The following MMRN1 variants were observed in gnomAD, a reference collection of about 807,000 sequenced individuals.
MMRN1 encodes multimerin 1.
A neutral mutation model predicts 100.7 loss-of-function variants in MMRN1; 94 were observed. The observed-to-expected ratio is 0.93, with a 90% confidence interval of 0.79 to 1.11. The LOEUF (loss-of-function observed/expected upper bound fraction) is 1.11, where lower values mean the gene tolerates loss of function less well. MMRN1 is among the 50% of genes least tolerant of loss of function. The pLI is 0.00. For missense variants in MMRN1, 1,606 were observed against 1,439.1 expected, an observed-to-expected ratio of 1.12 and a Z score of -1.88; for synonymous variants, 575 against 505.0, an observed-to-expected ratio of 1.14 and a Z score of -1.86.
intron 1 of MMRN1, among the ~76,000 whole-genome samples, chr4:89,882,527 T>G (rs1042808646): frequency 1.3e-5 from 2 of 151,814 alleles, no homozygotes; most frequent in Admixed American, 1.3e-4. Context: ...TCTTTTGCAT[T>G]TTTTTCCTCC....
chr4:89,886,202 T>C (rs1302400146), intron 1 of MMRN1, among the ~76,000 whole-genome samples: 1 of 151,992 alleles, frequency 6.6e-6, no homozygotes, highest in African/African-American at 2.4e-5. Flanking sequence ...CTTTCTTCTA[T>C]TGTAAGATAG....
intron 1 of MMRN1, among the ~76,000 whole-genome samples, chr4:89,880,172 C>T (rs115445391): frequency 3.9e-4 from 59 of 152,188 alleles, no homozygotes; most frequent in Non-Finnish European, 6.6e-4. Context: ...TAAATTAAAA[C>T]ATGAAATCAG....
upstream of MMRN1, among the ~76,000 whole-genome samples, chr4:89,893,546 A>G (rs912892409): frequency 6.6e-6 from 1 of 152,164 alleles, no homozygotes; most frequent in Non-Finnish European, 1.5e-5. Flanking sequence ...TAATCTAATA[A>G]CAAAAAATAA....
rs1470596274 is a variant in MMRN1, at chr4:89,905,173, T to G, written c.624-4103T>G. ...CTTATCACTGAATTGGGTGGGGATTTTATCACTATGGACTTCAGGAGTTTA... is the reference window on the plus strand; with the variant it reads ...CTTATCACTGAATTGGGTGGGGATTGTATCACTATGGACTTCAGGAGTTTA... On this transcript the variant is annotated intron_variant, in intron 1 of 7. Transcript: ENST00000264790. 4.0e-5 allele frequency among the ~76,000 whole-genome samples: 6 copies of G among 151,582 alleles called. No homozygotes were observed. The Admixed American group carries it at 4.0e-4, about 10-fold the overall frequency.
chr4:89,917,227 T>C (rs929441520), intron 3 of MMRN1, among the ~76,000 whole-genome samples: 1 of 151,860 alleles, frequency 6.6e-6, no homozygotes, highest in African/African-American at 2.4e-5. Flanking sequence ...TAATACTTTG[T>C]AAGAAGTAAA....
intron 3 of MMRN1, among the ~76,000 whole-genome samples, chr4:89,918,236 A>G (rs1721983760): frequency 6.6e-6 from 1 of 151,488 alleles, no homozygotes; most frequent in South Asian, 2.1e-4. Context: ...TTATATCTAT[A>G]CTATCTTTGA....
In MMRN1 at chr4:89,936,403, C is replaced by A; in HGVS notation, c.2723C>A (p.Ala908Glu). ...AATTCCAGATTTAAGGCGTTGGAAG[C>A]AAAATCTATCCATCTTTCAATTAAC... ...VLNSRFKALEAKSIHLSINFF... is the reference protein window; with the variant it reads ...VLNSRFKALEEKSIHLSINFF... The change falls in exon 6 of 8, where the codon GCA (alanine) becomes GAA (glutamate). Residue 908 changes from alanine to glutamate, a missense_variant. Coordinates refer to ENST00000264790, the MANE Select transcript of MMRN1 (RefSeq NM_007351.3). 5 of 1,609,204 alleles carry A rather than the reference C, an allele frequency of 3.1e-6. No individual in the cohort carries two copies. The highest frequency in any genetic ancestry group is 4.2e-6 in the Non-Finnish European group (5 of 1,178,648).
chr4:89,940,203 C>T (rs1417801682), intron 6 of MMRN1, among the ~76,000 whole-genome samples: 1 of 152,128 alleles, frequency 6.6e-6, no homozygotes, highest in South Asian at 2.1e-4. Context: ...TGGCTGCTTG[C>T]CCTTCCAAAA....
Position 89,935,454 on chromosome 4 carries a change from T to A in MMRN1, c.1774T>A (p.Cys592Ser). 6.2e-7 allele frequency: 1 copy of A among 1,613,564 alleles called. No homozygotes were observed. Among genetic ancestry groups the A allele is most frequent in the Non-Finnish European group, 8.5e-7 (1 of 1,179,768 alleles). The part of the protein sequence containing the change: ...EMEKESLRGE[C>S]EDMLSKCRND... Reference sequence around the variant, plus strand: ...GGAGAAAGAGTCTCTCAGAGGTGAATGTGAAGACATGTTATCCAAATGCAG... The same window carrying A: ...GGAGAAAGAGTCTCTCAGAGGTGAAAGTGAAGACATGTTATCCAAATGCAG... The change falls in exon 6 of 8, where the codon TGT (cysteine) becomes AGT (serine). Residue 592 changes from cysteine (C) to serine (S), a missense_variant. By Grantham distance (112) the Cys-to-Ser change is moderately radical (BLOSUM62 -1). Coordinates refer to ENST00000264790, the MANE Select transcript of MMRN1 (RefSeq NM_007351.3).
intron 1 of MMRN1, among the ~76,000 whole-genome samples, chr4:89,904,356 T>C (rs1721490507): frequency 6.6e-6 from 1 of 151,838 alleles, no homozygotes. Context: ...GTTCACATTG[T>C]TTTGCAGTCA....
At chr4:89,930,391 A>G (rs951918147) in intron 5 of MMRN1, among the ~76,000 whole-genome samples, 7 of 152,000 alleles carry the variant, frequency 4.6e-5, no homozygotes, top group Non-Finnish European at 1.0e-4. Context: ...TTTTCTCCCA[A>G]TTATGTTGAT....
At chr4:89,904,656 G>A (rs1400266126) in intron 1 of MMRN1, among the ~76,000 whole-genome samples, 1 of 151,732 alleles carries the variant, frequency 6.6e-6, no homozygotes, top group Non-Finnish European at 1.5e-5. Flanking sequence ...GTGTTTGTGT[G>A]TGTGATTTTC....
chr4:89,900,100 G>T (rs1721336176), intron 1 of MMRN1, among the ~76,000 whole-genome samples: 1 of 151,972 alleles, frequency 6.6e-6, no homozygotes, highest in South Asian at 2.1e-4. Context: ...TATCACTTTT[G>T]CAAACTTAAG....
intron 5 of MMRN1, among the ~76,000 whole-genome samples, chr4:89,934,356 A>G (rs1376915052): frequency 6.6e-6 from 1 of 152,164 alleles, no homozygotes; most frequent in Non-Finnish European, 1.5e-5. Flanking sequence ...ATTAGCTTTT[A>G]TAAGCCCAAA....
At chr4:89,941,168 G>A (rs989126651) in intron 6 of MMRN1, among the ~76,000 whole-genome samples, 11 of 152,102 alleles carry the variant, frequency 7.2e-5, no homozygotes, top group African/African-American at 1.4e-4. Flanking sequence ...ATATAAGCCC[G>A]TTAAATTTTG....
At chr4:89,916,308 T>C (rs943058586) in intron 3 of MMRN1, among the ~76,000 whole-genome samples, 3 of 151,252 alleles carry the variant, frequency 2.0e-5, no homozygotes, top group African/African-American at 2.4e-5. Context: ...GATCTTTGTG[T>C]GATGCTTAAT....
chr4:89,891,200 C>G (rs900078627), upstream of MMRN1, among the ~76,000 whole-genome samples: 6 of 151,988 alleles, frequency 3.9e-5, no homozygotes, highest in African/African-American at 1.4e-4. Flanking sequence ...GGCAATCTGA[C>G]TGAATGGGTA....
chr4:89,946,791 G>T (rs1722998171), intron 6 of MMRN1, among the ~76,000 whole-genome samples: 3 of 152,102 alleles, frequency 2.0e-5, no homozygotes, highest in Non-Finnish European at 4.4e-5. Context: ...GCACATATTA[G>T]GGTCCAGAAA....
intron 3 of MMRN1, among the ~76,000 whole-genome samples, chr4:89,917,480 A>T (rs1197382563): frequency 6.6e-6 from 1 of 151,884 alleles, no homozygotes; most frequent in Non-Finnish European, 1.5e-5. Context: ...TATAAATCAA[A>T]AATTAAGAAT....
Sources: allele counts gnomAD v4.1 joint callset (sites outside exome capture counted in the v4.1 genomes callset), GRCh38; gene constraint gnomAD v4.1.1; transcripts MANE v1.5; gene names NCBI Gene and HGNC (gene_info 2026-07-23, HGNC 2026-07-21).